The following SCFD2 variants were observed in gnomAD, a reference collection of about 807,000 sequenced individuals.
SCFD2 encodes sec1 family domain-containing protein 2.
A neutral mutation model predicts 58.9 loss-of-function variants in SCFD2; 54 were observed. That is an observed-to-expected ratio of 0.92 (90% CI 0.74 to 1.15). The LOEUF (loss-of-function observed/expected upper bound fraction) is 1.15, where lower values mean the gene tolerates loss of function less well. Among genes scored for constraint, SCFD2 ranks in the 50% most tolerant of loss-of-function variants. The pLI is 0.00. For synonymous variants in SCFD2, 321 were observed against 335.9 expected (o/e 0.96, Z 0.49); for missense variants, 805 against 836.6 (o/e 0.96, Z 0.47).
At chr4:52,963,540 C>T (rs1490032913) in intron 5 of SCFD2, among the ~76,000 whole-genome samples, 2 of 152,168 alleles carry the variant, frequency 1.3e-5, no homozygotes, top group African/African-American at 2.4e-5. Context: ...AATCTAACCA[C>T]CCTGCCCTGT....
intron 4 of SCFD2, among the ~76,000 whole-genome samples, chr4:53,163,796 C>A (rs1018337287): frequency 1.3e-5 from 2 of 152,082 alleles, no homozygotes; most frequent in East Asian, 3.9e-4. Flanking sequence ...GACTCTTTAA[C>A]GGTTAAATTT....
intron 8 of SCFD2, among the ~76,000 whole-genome samples, chr4:52,879,674 A>G: frequency 6.6e-6 from 1 of 152,216 alleles, no homozygotes; most frequent in East Asian, 1.9e-4. Context: ...TGAACTCCAC[A>G]TGGGCAGCCC....
chr4:53,207,515 T>TAA (rs1482958463), intron 4 of SCFD2, among the ~76,000 whole-genome samples: 3 of 12,242 alleles, frequency 2.5e-4, no homozygotes, highest in South Asian at 3.9e-3. Context: ...ATTATATATA[T>TAA]TATATATATA....
chr4:53,233,279 T>C (rs2149010473), intron 4 of SCFD2, among the ~76,000 whole-genome samples: 1 of 151,962 alleles, frequency 6.6e-6, no homozygotes, highest in Non-Finnish European at 1.5e-5. Context: ...CTAGAGGGAG[T>C]GGCTCAGGAT....
intron 5 of SCFD2, among the ~76,000 whole-genome samples, chr4:53,039,069 T>C (rs1382880251): frequency 1.3e-5 from 2 of 152,132 alleles, no homozygotes; most frequent in South Asian, 2.1e-4. Flanking sequence ...GCACTATATA[T>C]TCCCTTTCCA....
At chr4:53,174,480 G>A (rs1012628276) in intron 4 of SCFD2, among the ~76,000 whole-genome samples, 1 of 152,108 alleles carries the variant, frequency 6.6e-6, no homozygotes, top group African/African-American at 2.4e-5. Flanking sequence ...ACATTAAAGT[G>A]GCTGCAGATG....
intron 5 of SCFD2, chr4:52,945,530 T>C (rs970005709): frequency 6.6e-6 from 1 of 152,196 alleles, no homozygotes; most frequent in Non-Finnish European, 1.5e-5. Flanking sequence ...TTTACAGATG[T>C]TTCTTTTTAC....
chr4:52,954,875 C>T (rs2109534327), intron 5 of SCFD2, among the ~76,000 whole-genome samples: 1 of 152,264 alleles, frequency 6.6e-6, no homozygotes, highest in South Asian at 2.1e-4. Flanking sequence ...CTCTGTCCTC[C>T]CTCAAGAAGT....
chr4:53,181,844 C>A (rs1381438172), intron 4 of SCFD2, among the ~76,000 whole-genome samples: 4 of 152,180 alleles, frequency 2.6e-5, no homozygotes, highest in African/African-American at 9.7e-5. Context: ...AAATCACAAG[C>A]ATTCTTATAC....
intron 1 of SCFD2, among the ~76,000 whole-genome samples, chr4:53,362,268 G>A (rs144599673): frequency 1.6e-4 from 25 of 152,300 alleles, no homozygotes; most frequent in African/African-American, 5.1e-4. Flanking sequence ...GCTGGAACAT[G>A]CTTAGCATGT....
At chr4:53,218,587 A>C (rs868089826) in intron 4 of SCFD2, among the ~76,000 whole-genome samples, 1 of 152,176 alleles carries the variant, frequency 6.6e-6, no homozygotes, top group Non-Finnish European at 1.5e-5. Context: ...ATGGGTTTGC[A>C]CTTCCTACTT....
At chr4:53,254,132 A>G (rs902322232) in intron 4 of SCFD2, among the ~76,000 whole-genome samples, 4 of 152,162 alleles carry the variant, frequency 2.6e-5, no homozygotes, top group African/African-American at 9.7e-5. Flanking sequence ...AGAAAAAATA[A>G]CTATTGAGTA....
intron 4 of SCFD2, among the ~76,000 whole-genome samples, chr4:53,236,158 A>T (rs1157604584): frequency 6.6e-6 from 1 of 152,180 alleles, no homozygotes; most frequent in Non-Finnish European, 1.5e-5. Flanking sequence ...ATCAGCTGCC[A>T]GCGAATATAA....
intron 5 of SCFD2, among the ~76,000 whole-genome samples, chr4:53,074,775 C>CCA (rs1723922429): frequency 6.6e-6 from 1 of 152,066 alleles, no homozygotes; most frequent in Admixed American, 6.6e-5. Context: ...ATTCAGTAAG[C>CCA]CACGCTGTAA....
intron 5 of SCFD2, among the ~76,000 whole-genome samples, chr4:53,037,376 A>T (rs1191645524): frequency 1.3e-5 from 2 of 152,104 alleles, no homozygotes; most frequent in Non-Finnish European, 2.9e-5. Context: ...AGAGACTTTC[A>T]TTTTCTGTGA....
chr4:53,005,761 G>C (rs1721958926), intron 5 of SCFD2, among the ~76,000 whole-genome samples: 1 of 152,174 alleles, frequency 6.6e-6, no homozygotes, highest in Admixed American at 6.5e-5. Context: ...TATCCTGACT[G>C]AAGCATGCTT....
intron 2 of SCFD2, among the ~76,000 whole-genome samples, chr4:53,345,463 A>T (rs1734029650): frequency 6.6e-6 from 1 of 152,172 alleles, no homozygotes; most frequent in African/African-American, 2.4e-5. Context: ...GCTGGAGAGG[A>T]TGTGGAGAAA....
intron 4 of SCFD2, among the ~76,000 whole-genome samples, chr4:53,180,281 C>A (rs574727588): frequency 6.6e-6 from 1 of 152,218 alleles, no homozygotes; most frequent in South Asian, 2.1e-4. Context: ...AGTAAAAGAA[C>A]AGAAATTATA....
At chr4:52,957,461 G>A (rs565891188) in intron 5 of SCFD2, 1 of 152,210 alleles carries the variant, frequency 6.6e-6, no homozygotes, top group Non-Finnish European at 1.5e-5. Context: ...ATCAGTTGCT[G>A]CGAATAGCAG....
Sources: gnomAD v4.1 joint callset for allele counts (sites outside exome capture counted in the v4.1 genomes callset) on GRCh38, gnomAD v4.1.1 for gene constraint, MANE v1.5 for transcripts, NCBI Gene and HGNC (gene_info 2026-07-23, HGNC 2026-07-21) for gene names.